The following C6 variants were observed in gnomAD, a reference collection of about 807,000 sequenced individuals.
The protein encoded by C6 is complement C6, also known as complement component C6.
A neutral mutation model predicts 112.9 loss-of-function variants in C6; 101 were observed. That is an observed-to-expected ratio of 0.89 (90% CI 0.76 to 1.06). C6 has a LOEUF of 1.06. C6 is among the 50% of genes least tolerant of loss of function. C6 has a pLI of 0.00. For synonymous variants in C6, 431 were observed against 384.1 expected (o/e 1.12, Z -1.43); for missense variants, 1,202 against 1,104.6 (o/e 1.09, Z -1.25).
upstream of C6, among the ~76,000 whole-genome samples, chr5:41,217,695 C>T (rs1270339320): frequency 6.6e-6 from 1 of 152,058 alleles, no homozygotes; most frequent in Non-Finnish European, 1.5e-5. Context: ...TAAAACTGGT[C>T]TAACATAGTA....
intron 1 of C6, among the ~76,000 whole-genome samples, chr5:41,239,327 G>A (rs1010394031): frequency 6.6e-6 from 1 of 151,836 alleles, no homozygotes; most frequent in Non-Finnish European, 1.5e-5. Flanking sequence ...GGCCATCCTG[G>A]TCTCGAACTC....
chr5:41,256,922 G>A (rs1741751949), intron 1 of C6, among the ~76,000 whole-genome samples: 1 of 152,102 alleles, frequency 6.6e-6, no homozygotes, highest in South Asian at 2.1e-4. Flanking sequence ...GGTGTGTTTT[G>A]TTTTCTGAAT....
intron 1 of C6, among the ~76,000 whole-genome samples, chr5:41,209,935 C>T (rs1751759174): frequency 1.3e-5 from 2 of 152,124 alleles, no homozygotes; most frequent in African/African-American, 4.8e-5. Flanking sequence ...AAGAACAAAG[C>T]TGGAGGCATC....
intron 1 of C6, among the ~76,000 whole-genome samples, chr5:41,258,161 A>G (rs896637536): frequency 1.3e-5 from 2 of 152,190 alleles, no homozygotes; most frequent in Non-Finnish European, 2.9e-5. Context: ...CTAAATGTTG[A>G]CTTAAAGCTC....
intron 1 of C6, among the ~76,000 whole-genome samples, chr5:41,228,149 T>C (rs1185053696): frequency 6.6e-6 from 1 of 152,072 alleles, no homozygotes; most frequent in Non-Finnish European, 1.5e-5. Flanking sequence ...TTTTTCAGCA[T>C]TAATATATAG....
In C6 at chr5:41,238,676, C is replaced by T. The variant is rs886327466; in HGVS notation, c.-21+22518G>A. On this transcript the variant is annotated intron_variant, in intron 1 of 17. Transcript: ENST00000263413. ...TTTGATAATTTTTATGGTGTAATATCTGACATCATGAATAATTTCAAGTTA... is the reference window on the plus strand; with the variant it reads ...TTTGATAATTTTTATGGTGTAATATTTGACATCATGAATAATTTCAAGTTA... 2.6e-5 allele frequency among the ~76,000 whole-genome samples: 4 copies of T among 152,098 alleles called. No homozygotes were observed. The East Asian group carries it at 7.7e-4, about 29-fold the overall frequency.
rs11460725 is a variant in C6 at position 41,193,795 on chromosome 5, A to ATTTT, written c.587+1993_587+1996dup. 3.9e-4 allele frequency among the ~76,000 whole-genome samples: 54 copies of ATTTT among 137,388 alleles called. 1 individual carries two copies. Among genetic ancestry groups the ATTTT allele is most frequent in the African/African-American group, 1.1e-3 (40 of 37,340 alleles). 90.1% of individuals were successfully genotyped at this position (137,388 alleles called of 152,430 possible). A position where few individuals can be genotyped will look rare whatever the true frequency, so the allele number is the denominator to read the frequency against. ...AAGAAGGTCAGCCACTCAGGAAGCT[A>ATTTT]TTTTTTTTTTTTTTTTTTGTGGTTA... On this transcript the variant is annotated intron_variant, in intron 5 of 17. Coordinates refer to ENST00000337836, the MANE Select transcript of C6 (RefSeq NM_000065.5).
intron 9 of C6, among the ~76,000 whole-genome samples, chr5:41,165,056 A>G (rs750841033): frequency 7.9e-5 from 12 of 152,188 alleles, no homozygotes; most frequent in Non-Finnish European, 1.5e-4. Context: ...TTAGCTTTGC[A>G]TATTTTTAAC....
At chr5:41,179,156 G>A (rs1425351962) in intron 7 of C6, among the ~76,000 whole-genome samples, 1 of 152,116 alleles carries the variant, frequency 6.6e-6, no homozygotes, top group East Asian at 1.9e-4. Flanking sequence ...CCCTGGTGAG[G>A]CTAACAATTT....
At chr5:41,231,065 T>A (rs1240018513) in intron 1 of C6, among the ~76,000 whole-genome samples, 1 of 152,180 alleles carries the variant, frequency 6.6e-6, no homozygotes, top group Non-Finnish European at 1.5e-5. Flanking sequence ...TCTTTCACTT[T>A]CAATCTATGT....
At chr5:41,209,297 T>C (rs1264763075) in intron 1 of C6, among the ~76,000 whole-genome samples, 1 of 152,310 alleles carries the variant, frequency 6.6e-6, no homozygotes, top group East Asian at 1.9e-4. Context: ...AGCATTCCCT[T>C]TGAAAACTGG....
chr5:41,174,307 C>T (rs1280368528), intron 8 of C6, among the ~76,000 whole-genome samples: 1 of 152,132 alleles, frequency 6.6e-6, no homozygotes, highest in African/African-American at 2.4e-5. Context: ...ACTGCAGTAC[C>T]TCATCTCTTA....
chr5:41,205,353 G>A (rs575224487), intron 1 of C6, among the ~76,000 whole-genome samples: 2 of 152,312 alleles, frequency 1.3e-5, no homozygotes, highest in East Asian at 3.9e-4. Context: ...TGAGGTACTG[G>A]GTTCATCTCA....
chr5:41,167,735 T>C (rs1748099671), intron 9 of C6, among the ~76,000 whole-genome samples: 1 of 152,164 alleles, frequency 6.6e-6, no homozygotes, highest in African/African-American at 2.4e-5. Flanking sequence ...AAAGAGTCCC[T>C]ATCAGAGCAA....
At chr5:41,246,629 T>C (rs1741036477) in intron 1 of C6, among the ~76,000 whole-genome samples, 1 of 152,186 alleles carries the variant, frequency 6.6e-6, no homozygotes, top group Middle Eastern at 3.2e-3. Context: ...CTGGAGATGC[T>C]GTGGGCCCAT....
At chr5:41,191,987 C>T (rs1350748826) in intron 5 of C6, among the ~76,000 whole-genome samples, 1 of 152,096 alleles carries the variant, frequency 6.6e-6, no homozygotes, top group Non-Finnish European at 1.5e-5. Flanking sequence ...TTATTCCAGT[C>T]CTTGGAGGAA....
At chr5:41,236,633 C>A (rs1182922004) in intron 1 of C6, among the ~76,000 whole-genome samples, 2 of 125,508 alleles carry the variant, frequency 1.6e-5, no homozygotes, top group Middle Eastern at 3.6e-3. Context: ...AGGAAAGATC[C>A]AAAATTGACA....
At position 41,222,420 on chromosome 5, in the gene C6, A is replaced by C. The variant is rs1238710615; in HGVS notation, c.-20-19170T>G. On this transcript the variant is annotated intron_variant, in intron 1 of 17. Transcript: ENST00000263413. ...CATTCTGAAGTTTGCATTAAACAGA[A>C]AAGTTTTATATTTTTTATTTTAATG... 2.0e-5 allele frequency among the ~76,000 whole-genome samples: 3 copies of C among 152,090 alleles called. No homozygotes were observed. The East Asian group carries it at 5.8e-4, about 29-fold the overall frequency.
chr5:41,157,394 T>G (rs1747018062), intron 13 of C6, among the ~76,000 whole-genome samples: 1 of 152,206 alleles, frequency 6.6e-6, no homozygotes, highest in Non-Finnish European at 1.5e-5. Context: ...ATTTTAAGGA[T>G]AATGTTCTAG....
Sources: gnomAD v4.1 joint callset for allele counts (sites outside exome capture counted in the v4.1 genomes callset) on GRCh38, gnomAD v4.1.1 for gene constraint, MANE v1.5 for transcripts, NCBI Gene and HGNC (gene_info 2026-07-23, HGNC 2026-07-21) for gene names.